Variants in ZNF98 observed in about 807,000 individuals in gnomAD.
ZNF98 encodes the protein zinc finger protein 739.
A neutral mutation model predicts 12.8 loss-of-function variants in ZNF98; 8 were observed. The ratio of observed to expected loss-of-function variants is 0.63; its 90% CI spans 0.37 to 1.13. The LOEUF (loss-of-function observed/expected upper bound fraction) is 1.13. ZNF98 is among the 50% of genes most tolerant of loss of function. The pLI, the probability that ZNF98 is intolerant of heterozygous loss-of-function variation, is 0.01. For missense variants in ZNF98, 379 were observed against 666.1 expected (o/e 0.57, Z 4.74); for synonymous variants, 112 against 223.5 (o/e 0.50, Z 4.45).
At chr19:22,402,941 A>G in intron 2 of ZNF98, 57 bp from the exon 3 acceptor site, 1 of 1,499,724 alleles carries the variant, frequency 6.7e-7, no homozygotes, top group East Asian at 2.4e-5. Context: ...CCAATTTAGT[A>G]GTGTGTTCAG....
rs776585728 is a variant in ZNF98, at chr19:22,402,758, G to A, written c.253+31C>T. On this transcript the variant is annotated intron_variant, in intron 3 of 3. Transcript: ENST00000357774. ...CTACTTTGGAGCTCTCATCTGTGTCGTCTGTTGTATTCACTTTCACTCTCA... is the reference window on the plus strand; with the variant it reads ...CTACTTTGGAGCTCTCATCTGTGTCATCTGTTGTATTCACTTTCACTCTCA... 2,213 of 1,524,090 alleles carry A rather than the reference G, an allele frequency of 1.5e-3. 28 individuals carry two copies. In the African/African-American group the frequency reaches 0.028, roughly 20 times the overall value. The allele number at this position is 1,524,090 out of a possible 1,614,324, so 94.4% of individuals were successfully genotyped here. A position where few individuals can be genotyped will look rare whatever the true frequency, so the allele number is the denominator to read the frequency against.
intron 1 of ZNF98, among the ~76,000 whole-genome samples, chr19:22,419,323 A>G (rs1969678517): frequency 6.6e-6 from 1 of 151,862 alleles, no homozygotes; most frequent in Admixed American, 6.6e-5. Context: ...CCTTAACTGC[A>G]TCTCTCTGTG....
intron 3 of ZNF98, among the ~76,000 whole-genome samples, chr19:22,401,126 TAA>T (rs1277941058): frequency 6.7e-6 from 1 of 148,652 alleles, no homozygotes; most frequent in Non-Finnish European, 1.5e-5. Flanking sequence ...AAAAAAAATT[TAA>T]GTCACTGAAA....
rs149381786 is a variant in ZNF98 at position 22,399,020 on chromosome 19, G to A, written c.253+3769C>T. Among the ~76,000 whole-genome samples the A allele has an allele frequency of 8.5e-4, 130 of 152,148 alleles. 1 individual carries two copies. In the East Asian group the frequency reaches 0.014, roughly 17 times the overall value. On this transcript the variant is annotated intron_variant, in intron 3 of 3. Coordinates refer to ENST00000357774, the MANE Select transcript of ZNF98 (RefSeq NM_001098626.2). ...TGATTTATCTCTTAAACCCCACACC[G>A]ACTTACATGTAAAAACAGAATTGCA...
At chr19:22,419,825 T>G (rs1327394892) in intron 1 of ZNF98, among the ~76,000 whole-genome samples, 2 of 152,102 alleles carry the variant, frequency 1.3e-5, no homozygotes, top group Non-Finnish European at 2.9e-5. Context: ...AACAGAGATA[T>G]TCACTGTCAC....
intron 1 of ZNF98, among the ~76,000 whole-genome samples, chr19:22,406,549 G>GAA (rs1302464685): frequency 5.3e-5 from 8 of 152,186 alleles, no homozygotes; most frequent in Non-Finnish European, 1.2e-4. Flanking sequence ...CAGGTGTGGT[G>GAA]GCTCATGCCT....
chr19:22,393,873 G>T (rs558441135), intron 3 of ZNF98, among the ~76,000 whole-genome samples: 1 of 152,156 alleles, frequency 6.6e-6, no homozygotes, highest in East Asian at 1.9e-4. Context: ...TACAGCTAAA[G>T]AAACTACCAC....
At chr19:22,414,352 C>G (rs1339875266) in intron 1 of ZNF98, among the ~76,000 whole-genome samples, 1 of 151,016 alleles carries the variant, frequency 6.6e-6, no homozygotes. Context: ...AAAAACATTT[C>G]TTAACAGAAC....
chr19:22,404,415 A>T (rs929417558), intron 1 of ZNF98, among the ~76,000 whole-genome samples: 1 of 152,252 alleles, frequency 6.6e-6, no homozygotes, highest in African/African-American at 2.4e-5. Flanking sequence ...AAAGACAGAT[A>T]AATGCAAAGA....
chr19:22,400,953 A>T (rs574863240), intron 3 of ZNF98, among the ~76,000 whole-genome samples: 1 of 114,206 alleles, frequency 8.8e-6, no homozygotes, highest in African/African-American at 3.5e-5. Context: ...ACACTGTCTC[A>T]AAAAACAAAA....
At chr19:22,408,183 A>G (rs753286660) in intron 1 of ZNF98, among the ~76,000 whole-genome samples, 5 of 152,240 alleles carry the variant, frequency 3.3e-5, no homozygotes, top group Non-Finnish European at 5.9e-5. Context: ...AAACAGAACT[A>G]AAGACAAAAA....
intron 1 of ZNF98, among the ~76,000 whole-genome samples, chr19:22,405,956 C>T (rs1052653101): frequency 2.6e-5 from 4 of 152,264 alleles, no homozygotes; most frequent in Non-Finnish European, 4.4e-5. Context: ...GGCTCAGGGA[C>T]AGAACTCTGA....
At chr19:22,404,044 C>A (rs928784902) in intron 1 of ZNF98, among the ~76,000 whole-genome samples, 3 of 152,106 alleles carry the variant, frequency 2.0e-5, no homozygotes, top group African/African-American at 4.8e-5. Context: ...CACAGTGAAA[C>A]CCTGGCTCTA....
chr19:22,418,900 T>G (rs1969674474), intron 1 of ZNF98, among the ~76,000 whole-genome samples: 1 of 152,116 alleles, frequency 6.6e-6, no homozygotes, highest in African/African-American at 2.4e-5. Flanking sequence ...GAATTTTTCT[T>G]CAGTGGTCAA....
chr19:22,415,192 G>T (rs1969626628), intron 1 of ZNF98, among the ~76,000 whole-genome samples: 1 of 152,122 alleles, frequency 6.6e-6, no homozygotes, highest in South Asian at 2.1e-4. Context: ...TCTCACACCA[G>T]TGAGAATGGC....
intron 1 of ZNF98, among the ~76,000 whole-genome samples, chr19:22,412,951 G>A (rs1200636587): frequency 1.3e-5 from 2 of 152,222 alleles, no homozygotes; most frequent in African/African-American, 4.8e-5. Flanking sequence ...TACTCAGGAG[G>A]CTGAGGCAGG....
chr19:22,409,913 C>CAAAAAAAA (rs71180546), intron 1 of ZNF98, among the ~76,000 whole-genome samples: 2 of 89,412 alleles, frequency 2.2e-5, no homozygotes, highest in African/African-American at 4.4e-5. Context: ...CTCTATCTCA[C>CAAAAAAAA]AAAAAAAAAA....
At chr19:22,411,030 ATTTATT>A (rs531325961) in intron 1 of ZNF98, among the ~76,000 whole-genome samples, 18 of 151,936 alleles carry the variant, frequency 1.2e-4, no homozygotes, top group South Asian at 2.1e-4. Context: ...CTGAGTCTGC[ATTTATT>A]TTTATTTTTA....
chr19:22,422,030 G>A (rs1336962963), intron 1 of ZNF98, among the ~76,000 whole-genome samples, 165 bp downstream of exon 1: 1 of 152,102 alleles, frequency 6.6e-6, no homozygotes, highest in Non-Finnish European at 1.5e-5. Flanking sequence ...CAGCGCAGCC[G>A]CCATCTTATC....
Sources: allele counts gnomAD v4.1 joint callset (sites outside exome capture counted in the v4.1 genomes callset), GRCh38; gene constraint gnomAD v4.1.1; transcripts MANE v1.5; gene names NCBI Gene and HGNC (gene_info 2026-07-23, HGNC 2026-07-21).